MARCHF1: variants seen among roughly 807,000 people sequenced by gnomAD.
The protein encoded by MARCHF1 is membrane associated ring-CH-type finger 1.
Under a neutral mutation model 54.2 loss-of-function variants are expected in MARCHF1, and 40 were observed. That is an observed-to-expected ratio of 0.74 (90% CI 0.57 to 0.96). The LOEUF (loss-of-function observed/expected upper bound fraction) is 0.96. MARCHF1 is among the 40% of genes least tolerant of loss of function. MARCHF1 has a pLI of 0.00. For synonymous variants in MARCHF1, 236 were observed against 236.3 expected, an observed-to-expected ratio of 1.00 and a Z score of 0.01; for missense variants, 586 against 656.5, an observed-to-expected ratio of 0.89 and a Z score of 1.17.
intron 1 of MARCHF1, among the ~76,000 whole-genome samples, chr4:164,304,104 C>T (rs566679232): frequency 1.3e-5 from 2 of 152,074 alleles, no homozygotes; most frequent in Non-Finnish European, 2.9e-5. Flanking sequence ...AGATTGTAAG[C>T]CATGAAATAG....
chr4:164,284,926 A>G (rs1222399963), intron 1 of MARCHF1, among the ~76,000 whole-genome samples: 4 of 151,114 alleles, frequency 2.6e-5, no homozygotes, highest in African/African-American at 7.3e-5. Context: ...AAACTCAGCT[A>G]AAGTACACAT....
intron 4 of MARCHF1, among the ~76,000 whole-genome samples, chr4:163,767,170 C>G (rs1327510137): frequency 1.3e-5 from 2 of 149,262 alleles, no homozygotes; most frequent in Non-Finnish European, 3.0e-5. Flanking sequence ...CTGCCTGACT[C>G]TACAGTTTTT....
chr4:163,961,491 CA>C (rs1161307280), intron 3 of MARCHF1, among the ~76,000 whole-genome samples: 1 of 151,784 alleles, frequency 6.6e-6, no homozygotes, highest in Non-Finnish European at 1.5e-5. Context: ...TAAGTGGAAG[CA>C]AAAAATAATA....
intron 1 of MARCHF1, chr4:164,190,058 A>G (rs1462400136): frequency 4.3e-6 from 6 of 1,386,654 alleles, no homozygotes; most frequent in Non-Finnish European, 6.2e-6. Flanking sequence ...TTGATACTAC[A>G]AATGAGCTGG....
chr4:163,943,542 T>C (rs1428673730), intron 3 of MARCHF1, among the ~76,000 whole-genome samples: 1 of 151,986 alleles, frequency 6.6e-6, no homozygotes, highest in East Asian at 1.9e-4. Context: ...GGCCTATGTG[T>C]ATGGTTTTGT....
chr4:163,789,605 T>C (rs1747715889), intron 4 of MARCHF1, among the ~76,000 whole-genome samples: 1 of 151,984 alleles, frequency 6.6e-6, no homozygotes, highest in Non-Finnish European at 1.5e-5. Flanking sequence ...CTTGGCTCTC[T>C]CTATTATGAT....
chr4:163,876,129 T>G (rs990765688), intron 3 of MARCHF1, among the ~76,000 whole-genome samples: 2 of 152,190 alleles, frequency 1.3e-5, no homozygotes, highest in African/African-American at 4.8e-5. Flanking sequence ...AAATTGATAT[T>G]TGAATTCTGC....
chr4:163,682,147 G>C (rs539637266), intron 5 of MARCHF1, among the ~76,000 whole-genome samples: 1 of 152,174 alleles, frequency 6.6e-6, no homozygotes, highest in African/African-American at 2.4e-5. Context: ...CCAAGAGACT[G>C]GCAGCATTTT....
chr4:164,120,719 T>C (rs575163246), intron 1 of MARCHF1, among the ~76,000 whole-genome samples: 3 of 152,014 alleles, frequency 2.0e-5, no homozygotes, highest in East Asian at 1.9e-4. Context: ...TTAAACAATA[T>C]GCTCCCGAAT....
intron 5 of MARCHF1, 49 bp from the exon 6 acceptor site, chr4:163,613,442 G>T: frequency 1.2e-6 from 2 of 1,612,636 alleles, no homozygotes; most frequent in Non-Finnish European, 1.7e-6. Flanking sequence ...GGTAATACAT[G>T]GTTGATATCT....
intron 2 of MARCHF1, among the ~76,000 whole-genome samples, chr4:164,107,585 A>G (rs1272157406): frequency 2.0e-5 from 3 of 152,006 alleles, no homozygotes; most frequent in African/African-American, 7.2e-5. Context: ...CTGGTATGGA[A>G]CTGCTGGGCT....
At chr4:163,753,866 A>G (rs1306319586) in intron 4 of MARCHF1, among the ~76,000 whole-genome samples, 3 of 152,182 alleles carry the variant, frequency 2.0e-5, no homozygotes, top group Non-Finnish European at 4.4e-5. Flanking sequence ...TATTGTGTCA[A>G]TTCCAGAATG....
chr4:164,214,698 A>C (rs1046179642), intron 1 of MARCHF1, among the ~76,000 whole-genome samples: 7 of 152,228 alleles, frequency 4.6e-5, no homozygotes, highest in Non-Finnish European at 7.3e-5. Context: ...TTGGTAAGCA[A>C]AATATTTTAG....
chr4:163,654,203 T>C (rs563867681), intron 5 of MARCHF1, among the ~76,000 whole-genome samples: 126 of 151,804 alleles, frequency 8.3e-4, no homozygotes, highest in Non-Finnish European at 1.6e-3. Flanking sequence ...TTCACCTTGA[T>C]CATTGAAACA....
At chr4:163,872,485 T>G (rs1021255046) in intron 3 of MARCHF1, among the ~76,000 whole-genome samples, 1 of 152,198 alleles carries the variant, frequency 6.6e-6, no homozygotes, top group African/African-American at 2.4e-5. Context: ...TTTTCTACAA[T>G]AAATAAGTGG....
rs1747770977 is a variant in MARCHF1 at position 163,791,410 on chromosome 4, T to A, written c.111+62611A>T. 2.6e-5 allele frequency among the ~76,000 whole-genome samples: 4 copies of A among 152,198 alleles called. No individual in the cohort carries two copies. In the South Asian group the frequency reaches 8.3e-4, roughly 31 times the overall value. ...AGTTTCATTTAAAGGTAATTATGTA[T>A]GAGACTCATAACATTTTAGTAGTTT... On this transcript the variant is annotated intron_variant, in intron 4 of 9. Coordinates refer to ENST00000514618, the MANE Select transcript of MARCHF1 (RefSeq NM_001394959.1).
intron 1 of MARCHF1, among the ~76,000 whole-genome samples, chr4:164,254,885 G>A (rs767832163): frequency 3.3e-5 from 5 of 152,208 alleles, no homozygotes; most frequent in South Asian, 2.1e-4. Flanking sequence ...TTTTGGCAAC[G>A]CCCACACAGA....
chr4:163,795,592 A>C (rs555658419), intron 4 of MARCHF1, among the ~76,000 whole-genome samples: 1 of 152,342 alleles, frequency 6.6e-6, no homozygotes, highest in South Asian at 2.1e-4. Flanking sequence ...TACAGTGTTC[A>C]TACTTTTGTA....
chr4:163,776,647 G>A (rs1747313969), intron 4 of MARCHF1, among the ~76,000 whole-genome samples: 1 of 151,820 alleles, frequency 6.6e-6, no homozygotes, highest in South Asian at 2.1e-4. Flanking sequence ...CATCCATTGG[G>A]GGCTGACTGT....
Sources: gnomAD v4.1 joint callset for allele counts (sites outside exome capture counted in the v4.1 genomes callset) on GRCh38, gnomAD v4.1.1 for gene constraint, MANE v1.5 for transcripts, NCBI Gene and HGNC (gene_info 2026-07-23, HGNC 2026-07-21) for gene names.